The following TXNDC8 variants were observed in gnomAD, a reference collection of about 807,000 sequenced individuals.
The protein encoded by TXNDC8 is thioredoxin domain containing 8, also known as thioredoxin domain-containing protein 8.
TXNDC8 carries 15 observed loss-of-function variants against 12.9 expected under a neutral mutation model. That is an observed-to-expected ratio of 1.16 (90% CI 0.78 to 1.79). The LOEUF (loss-of-function observed/expected upper bound fraction) is 1.79, where lower values mean the gene tolerates loss of function less well. TXNDC8 is among the 40% of genes most tolerant of loss of function. The probability of loss-of-function intolerance (pLI) is 0.00; values close to 1 mark genes in which losing one functional copy is unlikely to be tolerated. For synonymous variants in TXNDC8, 40 were observed against 35.4 expected (o/e 1.13, Z -0.46); for missense variants, 128 against 113.2 (o/e 1.13, Z -0.59).
intron 3 of TXNDC8, among the ~76,000 whole-genome samples, chr9:110,320,503 A>G (rs1238689759): frequency 6.6e-6 from 1 of 152,184 alleles, no homozygotes; most frequent in Non-Finnish European, 1.5e-5. Context: ...TAAATTACCC[A>G]GTCTCAGGTG....
chr9:110,306,434 C>T (rs1439013271), intron 3 of TXNDC8, among the ~76,000 whole-genome samples: 1 of 152,194 alleles, frequency 6.6e-6, no homozygotes, highest in Non-Finnish European at 1.5e-5. Flanking sequence ...AACCACAAAT[C>T]CAGGCATGCC....
intron 3 of TXNDC8, among the ~76,000 whole-genome samples, chr9:110,310,871 A>G (rs1016101896): frequency 3.3e-5 from 5 of 152,230 alleles, no homozygotes; most frequent in African/African-American, 7.2e-5. Flanking sequence ...CCAAAACAGA[A>G]TGAACTTTGC....
chr9:110,302,315 T>C (rs938726063), downstream of TXNDC8, among the ~76,000 whole-genome samples: 4 of 152,186 alleles, frequency 2.6e-5, no homozygotes, highest in Non-Finnish European at 5.9e-5. Flanking sequence ...TGTCTATTTT[T>C]TGTAGAGACA....
In TXNDC8 at chr9:110,313,517, G is replaced by A. The variant is rs535251390; in HGVS notation, c.196-8985C>T. Among the ~76,000 whole-genome samples the A allele has an allele frequency of 3.9e-4, 60 of 152,106 alleles. No individual in the cohort carries two copies. The South Asian group carries it at 5.8e-3, about 15-fold the overall frequency. ...GGAGTTTGAGACCAGCCTGGCCAAC[G>A]TGGCAAAATCCTGTCTCTACTAAAA... On this transcript the variant is annotated intron_variant, in intron 3 of 4. Transcript: ENST00000423740.
intron 1 of TXNDC8, among the ~76,000 whole-genome samples, chr9:110,336,997 A>C (rs1236917511): frequency 6.6e-6 from 1 of 152,204 alleles, no homozygotes; most frequent in African/African-American, 2.4e-5. Flanking sequence ...GCATTAGCAA[A>C]TGTGTGATGT....
chr9:110,308,928 A>T (rs1302026455), intron 3 of TXNDC8, among the ~76,000 whole-genome samples: 2 of 152,188 alleles, frequency 1.3e-5, no homozygotes. Context: ...GGCTTTGTAG[A>T]TACCAGAGAT....
At chr9:110,328,197 T>C (rs1027555746) in intron 2 of TXNDC8, among the ~76,000 whole-genome samples, 11 of 152,248 alleles carry the variant, frequency 7.2e-5, no homozygotes, top group African/African-American at 2.4e-4. Context: ...CTTTTTTCAT[T>C]CTAAAGCTCA....
intron 3 of TXNDC8, among the ~76,000 whole-genome samples, chr9:110,319,649 G>T (rs1417454364): frequency 6.6e-6 from 1 of 152,228 alleles, no homozygotes; most frequent in African/African-American, 2.4e-5. Flanking sequence ...GATGGATCAA[G>T]CACTGTGTTT....
At chr9:110,320,312 C>A (rs1164206552) in intron 3 of TXNDC8, among the ~76,000 whole-genome samples, 3 of 152,092 alleles carry the variant, frequency 2.0e-5, no homozygotes, top group Non-Finnish European at 4.4e-5. Context: ...CTGTGCTATT[C>A]TCGTGATAGT....
chr9:110,313,054 C>T (rs543205391), intron 3 of TXNDC8, among the ~76,000 whole-genome samples: 12 of 152,064 alleles, frequency 7.9e-5, no homozygotes, highest in South Asian at 2.1e-4. Context: ...TACAGATGCC[C>T]GCCACCTTAC....
chr9:110,311,551 A>C (rs1564096107), intron 3 of TXNDC8, among the ~76,000 whole-genome samples: 1 of 131,102 alleles, frequency 7.6e-6, no homozygotes, highest in East Asian at 2.3e-4. Context: ...ATATATATAT[A>C]TATATATCTC....
At chr9:110,307,028 A>T (rs927869203) in intron 3 of TXNDC8, among the ~76,000 whole-genome samples, 23 of 151,854 alleles carry the variant, frequency 1.5e-4, no homozygotes, top group Admixed American at 1.5e-3. Flanking sequence ...TGCAGTCTTG[A>T]ACCCCAGGGC....
At chr9:110,317,516 A>G (rs191831508) in intron 3 of TXNDC8, among the ~76,000 whole-genome samples, 111 of 152,254 alleles carry the variant, frequency 7.3e-4, no homozygotes, top group African/African-American at 2.5e-3. Flanking sequence ...TGGGCCCTAA[A>G]CCTGCCCAGA....
chr9:110,315,328 C>A (rs965652264), intron 3 of TXNDC8, among the ~76,000 whole-genome samples: 1 of 151,964 alleles, frequency 6.6e-6, no homozygotes, highest in African/African-American at 2.4e-5. Flanking sequence ...GAACTCCTGA[C>A]CTCAGGTAAT....
intron 3 of TXNDC8, among the ~76,000 whole-genome samples, chr9:110,307,736 G>C (rs1363899489): frequency 1.3e-5 from 2 of 152,152 alleles, no homozygotes; most frequent in Non-Finnish European, 2.9e-5. Flanking sequence ...AAACTCAAAA[G>C]AATGTAACCA....
chr9:110,335,381 T>G (rs764457313), intron 1 of TXNDC8, among the ~76,000 whole-genome samples: 6 of 151,996 alleles, frequency 3.9e-5, no homozygotes, highest in Non-Finnish European at 8.8e-5. Context: ...GGATTACAGG[T>G]GTGAGCCACC....
intron 3 of TXNDC8, among the ~76,000 whole-genome samples, chr9:110,307,892 G>A (rs553489921): frequency 1.3e-5 from 2 of 152,122 alleles, no homozygotes; most frequent in African/African-American, 4.8e-5. Flanking sequence ...TCCTCTAACC[G>A]TCTTGGGCAC....
At chr9:110,322,051 A>G (rs766591846) in intron 3 of TXNDC8, among the ~76,000 whole-genome samples, 2 of 152,228 alleles carry the variant, frequency 1.3e-5, no homozygotes, top group Non-Finnish European at 2.9e-5. Context: ...TGAAGTCAGT[A>G]TTACAAATTT....
chr9:110,314,684 G>A (rs1293323455), intron 3 of TXNDC8, among the ~76,000 whole-genome samples: 1 of 151,928 alleles, frequency 6.6e-6, no homozygotes, highest in Non-Finnish European at 1.5e-5. Flanking sequence ...CGCCCACCTC[G>A]GCCTCCCAAA....
Sources: allele counts gnomAD v4.1 joint callset (sites outside exome capture counted in the v4.1 genomes callset), GRCh38; gene constraint gnomAD v4.1.1; transcripts MANE v1.5; gene names NCBI Gene and HGNC (gene_info 2026-07-23, HGNC 2026-07-21).